The following CD247 variants were observed in gnomAD, a reference collection of about 807,000 sequenced individuals.
CD247 encodes CD247 molecule.
In CD247, 13 loss-of-function variants were observed where a neutral mutation model predicts 30.0. That is an observed-to-expected ratio of 0.43 (90% confidence interval 0.28 to 0.69). The LOEUF (loss-of-function observed/expected upper bound fraction) is 0.69. Ranked by LOEUF, CD247 falls within the 30% of genes least tolerant of loss-of-function variation. The probability of loss-of-function intolerance (pLI) is 0.16; values close to 1 mark genes in which losing one functional copy is unlikely to be tolerated. For missense variants in CD247, 193 were observed against 212.6 expected, an observed-to-expected ratio of 0.91 and a Z score of 0.57; for synonymous variants, 72 against 80.0, an observed-to-expected ratio of 0.90 and a Z score of 0.53.
chr1:167,516,491 A>T (rs912700430), intron 1 of CD247, among the ~76,000 whole-genome samples: 3 of 152,236 alleles, frequency 2.0e-5, no homozygotes, highest in African/African-American at 7.2e-5. Flanking sequence ...TTAACTGAGC[A>T]AGAAAAGAGA....
At chr1:167,490,099 C>T (rs1224640743) in intron 1 of CD247, among the ~76,000 whole-genome samples, 3 of 152,048 alleles carry the variant, frequency 2.0e-5, no homozygotes, top group Non-Finnish European at 2.9e-5. Context: ...ACACAGCCTC[C>T]CTGTGAAAGC....
intron 1 of CD247, among the ~76,000 whole-genome samples, chr1:167,459,248 C>T (rs1395822696): frequency 6.6e-6 from 1 of 151,106 alleles, no homozygotes; most frequent in African/African-American, 2.4e-5. Context: ...GATATGTTTT[C>T]AGGTGAAGTA....
intron 3 of CD247, among the ~76,000 whole-genome samples, chr1:167,439,120 T>C (rs754452839): frequency 6.6e-6 from 1 of 152,160 alleles, no homozygotes; most frequent in Non-Finnish European, 1.5e-5. Context: ...GTTCCATGCA[T>C]CAAGACATTA....
chr1:167,435,902 G>A (rs1312847974), intron 4 of CD247, among the ~76,000 whole-genome samples: 1 of 152,200 alleles, frequency 6.6e-6, no homozygotes, highest in Non-Finnish European at 1.5e-5. Context: ...AGTGGTCAAT[G>A]AAATCGACAG....
chr1:167,496,678 G>A lies in CD247; in HGVS notation c.58+21730C>T, dbSNP rs34122780. Among the ~76,000 whole-genome samples the A allele has an allele frequency of 6.6e-4, 101 of 152,314 alleles. 1 individual carries two copies. The East Asian group carries it at 0.017, about 26-fold the overall frequency. ...GGCCTCCTGCATGGGGCTGAGAAGTGGGTAAGGGTTGGGAGGGAGAAGGGA... is the reference window on the plus strand; with the variant it reads ...GGCCTCCTGCATGGGGCTGAGAAGTAGGTAAGGGTTGGGAGGGAGAAGGGA... On this transcript the variant is annotated intron_variant, in intron 1 of 7. Coordinates refer to ENST00000362089, the MANE Select transcript of CD247 (RefSeq NM_198053.3).
intron 1 of CD247, among the ~76,000 whole-genome samples, chr1:167,458,281 G>A (rs771834464): frequency 2.0e-5 from 3 of 152,222 alleles, no homozygotes; most frequent in Non-Finnish European, 2.9e-5. Flanking sequence ...CTGTCCCCAC[G>A]TGCCTAGCCC....
intron 1 of CD247, chr1:167,448,565 G>A: frequency 1.0e-6 from 1 of 980,334 alleles, no homozygotes; most frequent in African/African-American, 1.7e-5. Context: ...TTATAGCAAT[G>A]ACCCACTGGA....
rs375984334 is a variant in CD247 at position 167,513,714 on chromosome 1, C to T, written c.58+4694G>A. Among the ~76,000 whole-genome samples the T allele has an allele frequency of 1.1e-3, 167 of 152,202 alleles. 1 individual carries two copies. The highest frequency in any genetic ancestry group is 3.0e-3 in the African/African-American group (125 of 41,528). On this transcript the variant is annotated intron_variant, in intron 1 of 7. Transcript: ENST00000362089. ...GCCTTGCTTATTTTCCGCTTTCCTC[C>T]GGTGTTAAAGCCTAATCAGAAAAAA...
intron 5 of CD247, chr1:167,434,712 G>A (rs1651445623): frequency 4.5e-6 from 2 of 444,932 alleles, no homozygotes; most frequent in Non-Finnish European, 9.0e-6. Context: ...CTACACCCCA[G>A]GCTGATCAAC....
chr1:167,432,102 CAG>C (rs1651299226), intron 7 of CD247, among the ~76,000 whole-genome samples: 1 of 110,946 alleles, frequency 9.0e-6, no homozygotes, highest in Non-Finnish European at 2.0e-5. Context: ...GGGCAGGAAT[CAG>C]GGGGGAGGGC....
intron 1 of CD247, chr1:167,448,569 C>G: frequency 6.1e-6 from 6 of 977,062 alleles, no homozygotes; most frequent in Non-Finnish European, 7.3e-6. Flanking sequence ...AGCAATGACC[C>G]ACTGGAGATA....
intron 2 of CD247, chr1:167,439,841 C>T: frequency 5.4e-6 from 1 of 185,558 alleles, no homozygotes; most frequent in South Asian, 1.1e-4. Context: ...GTACGTGCAT[C>T]ACTCGCCCAG....
chr1:167,475,371 A>G (rs1653703451), intron 1 of CD247, among the ~76,000 whole-genome samples: 2 of 152,038 alleles, frequency 1.3e-5, no homozygotes, highest in African/African-American at 4.8e-5. Flanking sequence ...CATTTTATCT[A>G]TAAATAATAA....
At chr1:167,491,996 T>C (rs1654470947) in intron 1 of CD247, among the ~76,000 whole-genome samples, 1 of 152,140 alleles carries the variant, frequency 6.6e-6, no homozygotes, top group Non-Finnish European at 1.5e-5. Context: ...TATGGTTTCA[T>C]GGGTACAGAG....
rs1369930817 is a variant in CD247, at chr1:167,494,587, A to G, written c.58+23821T>C. 6.6e-6 allele frequency among the ~76,000 whole-genome samples: 1 copy of G among 152,196 alleles called. No individual in the cohort carries two copies. The highest frequency in any genetic ancestry group is 1.5e-5 in the Non-Finnish European group (1 of 68,038). ...GAGGTAATAATTAGTGAACAGCACC[A>G]TTCAAAGCTACAGTGGTCTTATTGC... On this transcript the variant is annotated intron_variant, in intron 1 of 7. Coordinates refer to ENST00000362089, the MANE Select transcript of CD247 (RefSeq NM_198053.3). This position sits in a 1 kb window ranked among gnomAD's most constrained non-coding sequence, Gnocchi z 7.3.
chr1:167,488,813 G>C (rs1654319079), intron 1 of CD247, among the ~76,000 whole-genome samples: 1 of 152,154 alleles, frequency 6.6e-6, no homozygotes, highest in Non-Finnish European at 1.5e-5. Context: ...TTCTGCATGT[G>C]CGTGCGTGTT....
chr1:167,473,541 G>GA (rs936294792), intron 1 of CD247, among the ~76,000 whole-genome samples: 12 of 150,878 alleles, frequency 8.0e-5, no homozygotes, highest in Non-Finnish European at 8.9e-5. Flanking sequence ...ATTCCCATTA[G>GA]AAAAAAAAAT....
At chr1:167,516,522 A>G (rs548102232) in intron 1 of CD247, among the ~76,000 whole-genome samples, 1 of 152,236 alleles carries the variant, frequency 6.6e-6, no homozygotes, top group Non-Finnish European at 1.5e-5. Flanking sequence ...CTGAAATTCT[A>G]TGTGCGGCCT....
At chr1:167,464,632 C>T (rs77642816) in intron 1 of CD247, among the ~76,000 whole-genome samples, 3,509 of 152,258 alleles carry the variant, frequency 0.023, 143 homozygotes, top group African/African-American at 0.08. Flanking sequence ...TCTCAGCCCC[C>T]ACTCCTATTC....
Sources: gnomAD v4.1 joint callset for allele counts (sites outside exome capture counted in the v4.1 genomes callset) on GRCh38, gnomAD v4.1.1 for gene constraint, Gnocchi (gnomAD v3.1) non-coding constraint, MANE v1.5 for transcripts, NCBI Gene and HGNC (gene_info 2026-07-23, HGNC 2026-07-21) for gene names.